Variants in CTNNBL1 observed in about 807,000 individuals in gnomAD.
CTNNBL1 encodes beta-catenin-like protein 1.
Under a neutral mutation model 72.7 loss-of-function variants are expected in CTNNBL1, and 31 were observed. That is an observed-to-expected ratio of 0.43 (90% CI 0.32 to 0.58). The LOEUF (loss-of-function observed/expected upper bound fraction) is 0.58. Ranked by LOEUF, CTNNBL1 falls within the 20% of genes least tolerant of loss-of-function variation. The pLI is 0.08. For synonymous variants in CTNNBL1, 240 were observed against 267.3 expected (o/e 0.90, Z 1.00); for missense variants, 534 against 725.1 (o/e 0.74, Z 3.03).
chr20:37,719,507 C>CT (rs1290822590), intron 1 of CTNNBL1, among the ~76,000 whole-genome samples: 1 of 152,104 alleles, frequency 6.6e-6, no homozygotes, highest in Non-Finnish European at 1.5e-5. Context: ...AAGAACATGC[C>CT]TTTTTTGTTT....
chr20:37,742,188 T>C (rs1256752536), intron 3 of CTNNBL1, among the ~76,000 whole-genome samples: 2 of 152,190 alleles, frequency 1.3e-5, no homozygotes, highest in Non-Finnish European at 2.9e-5. Flanking sequence ...TCCACATCCC[T>C]CCTAAAAGAT....
Position 37,790,360 on chromosome 20 carries a change from TAACCTCC to T in CTNNBL1, c.1031+11027_1031+11033del, listed in dbSNP as rs557799937. ...TTTTAAGAACTAGAGTCTTTTCTTC[TAACCTCC>T]AGTCTCCCAGGATTCAAGTGCAAAA... On this transcript the variant is annotated intron_variant, in intron 10 of 15. Transcript: ENST00000361383. Among the ~76,000 whole-genome samples the T allele has an allele frequency of 4.0e-3, 612 of 152,332 alleles. 2 individuals are homozygous for T. Among genetic ancestry groups the T allele is most frequent in the African/African-American group, 0.014 (588 of 41,562 alleles).
intron 13 of CTNNBL1, among the ~76,000 whole-genome samples, chr20:37,856,458 T>C (rs1049470294): frequency 1.3e-5 from 2 of 152,020 alleles, no homozygotes; most frequent in African/African-American, 2.4e-5. Context: ...CATCACGTTG[T>C]AGACTTTCAA....
At chr20:37,696,080 A>G (rs1438563410) in intron 1 of CTNNBL1, among the ~76,000 whole-genome samples, 1 of 152,230 alleles carries the variant, frequency 6.6e-6, no homozygotes, top group East Asian at 1.9e-4. Flanking sequence ...TAGCCCATTA[A>G]AGCTAGAAGA....
chr20:37,710,591 A>G (rs1030617165), intron 1 of CTNNBL1, among the ~76,000 whole-genome samples: 1 of 152,142 alleles, frequency 6.6e-6, no homozygotes, highest in African/African-American at 2.4e-5. Flanking sequence ...CCTGGGAACT[A>G]GAGAACATCT....
At chr20:37,738,387 A>G (rs560126660) in intron 3 of CTNNBL1, among the ~76,000 whole-genome samples, 3 of 152,356 alleles carry the variant, frequency 2.0e-5, no homozygotes, top group Non-Finnish European at 2.9e-5. Context: ...AGTTAACGTG[A>G]GTTTTACTAC....
intron 1 of CTNNBL1, among the ~76,000 whole-genome samples, chr20:37,697,432 G>A (rs1401439000): frequency 2.0e-5 from 3 of 152,152 alleles, no homozygotes; most frequent in African/African-American, 4.8e-5. Context: ...TATGGACATA[G>A]GCTATTGGTA....
intron 11 of CTNNBL1, among the ~76,000 whole-genome samples, chr20:37,808,782 A>G (rs1418669192): frequency 1.3e-5 from 2 of 152,056 alleles, no homozygotes; most frequent in South Asian, 4.2e-4. Flanking sequence ...TCTGGTTGAC[A>G]CAGCTAATAA....
intron 4 of CTNNBL1, among the ~76,000 whole-genome samples, chr20:37,757,343 A>T (rs2073373925): frequency 6.6e-6 from 1 of 152,230 alleles, no homozygotes; most frequent in African/African-American, 2.4e-5. Flanking sequence ...CTAAGCAGCC[A>T]GGAAGGCAGC....
rs6021098 is a variant in CTNNBL1, at chr20:37,815,076, A to T, written c.1213+12028A>T. Among the ~76,000 whole-genome samples the T allele has an allele frequency of 2.9e-3, 434 of 147,386 alleles. 3 individuals are homozygous for T. The highest frequency in any genetic ancestry group is 9.7e-3 in the African/African-American group (384 of 39,714). The stretch of plus-strand genomic sequence containing the variant: ...CAAACACTATGTTAGGGACTCTGTG[A>T]GTGTGTGTGTGTGTGTGTGTGTGTG... On this transcript the variant is annotated intron_variant, in intron 11 of 15. Coordinates refer to ENST00000361383, the MANE Select transcript of CTNNBL1 (RefSeq NM_030877.5).
chr20:37,847,528 C>T (rs1013353627), intron 13 of CTNNBL1, among the ~76,000 whole-genome samples: 2 of 152,144 alleles, frequency 1.3e-5, no homozygotes, highest in African/African-American at 2.4e-5. Context: ...ACTCTCCGAA[C>T]GACTTGAAGC....
chr20:37,796,827 T>G (rs992522316), intron 10 of CTNNBL1, among the ~76,000 whole-genome samples: 2 of 152,238 alleles, frequency 1.3e-5, no homozygotes, highest in Non-Finnish European at 2.9e-5. Flanking sequence ...GGTACATGCC[T>G]GTCTCATGGT....
intron 1 of CTNNBL1, among the ~76,000 whole-genome samples, chr20:37,699,368 A>G (rs1825722366): frequency 6.6e-6 from 1 of 152,228 alleles, no homozygotes; most frequent in South Asian, 2.1e-4. Context: ...ACAAGTTATC[A>G]CATTTAATTC....
intron 11 of CTNNBL1, among the ~76,000 whole-genome samples, chr20:37,818,902 T>A (rs984457681): frequency 3.3e-5 from 5 of 152,198 alleles, no homozygotes; most frequent in African/African-American, 1.2e-4. Context: ...CCATAATCTG[T>A]CTCTGTAATA....
chr20:37,758,929 C>T (rs2073390094), intron 5 of CTNNBL1, among the ~76,000 whole-genome samples: 1 of 152,098 alleles, frequency 6.6e-6, no homozygotes, highest in South Asian at 2.1e-4. Context: ...CCCACCCCCT[C>T]CTCACCCTTT....
intron 11 of CTNNBL1, among the ~76,000 whole-genome samples, chr20:37,819,865 TTAATA>T (rs1392608976): frequency 2.7e-4 from 40 of 148,864 alleles, no homozygotes; most frequent in African/African-American, 9.8e-4. Flanking sequence ...ATTTTATCTT[TTAATA>T]TCTTTTTTTT....
At chr20:37,754,744 A>G (rs1160939446) in intron 4 of CTNNBL1, among the ~76,000 whole-genome samples, 4 of 152,124 alleles carry the variant, frequency 2.6e-5, no homozygotes, top group African/African-American at 7.2e-5. Context: ...ATAGTTGGCA[A>G]TAGCATTGTT....
At chr20:37,791,392 A>G (rs1410022724) in intron 10 of CTNNBL1, among the ~76,000 whole-genome samples, 1 of 152,244 alleles carries the variant, frequency 6.6e-6, no homozygotes, top group Non-Finnish European at 1.5e-5. Flanking sequence ...GTTGCTGCAC[A>G]TGGAGCAGTA....
intron 15 of CTNNBL1, among the ~76,000 whole-genome samples, chr20:37,863,795 C>T (rs1460053181): frequency 1.3e-5 from 2 of 152,104 alleles, no homozygotes; most frequent in African/African-American, 2.4e-5. Flanking sequence ...TTGAGGTCAT[C>T]AGTGTGGAGG....
Sources: allele counts gnomAD v4.1 joint callset (sites outside exome capture counted in the v4.1 genomes callset), GRCh38; gene constraint gnomAD v4.1.1; transcripts MANE v1.5; gene names NCBI Gene and HGNC (gene_info 2026-07-23, HGNC 2026-07-21).